Variants in HDLBP observed in about 807,000 individuals in gnomAD.
HDLBP encodes the protein vigilin.
In HDLBP, 30 loss-of-function variants were observed where a neutral mutation model predicts 137.3. The observed-to-expected ratio is 0.22, with a 90% CI of 0.16 to 0.30. The LOEUF (loss-of-function observed/expected upper bound fraction) is 0.30, where lower values mean the gene tolerates loss of function less well. Ranked by LOEUF, HDLBP falls within the 10% of genes least tolerant of loss-of-function variation. The pLI is 1.00. For missense variants in HDLBP, 1,119 were observed against 1,667.3 expected (o/e 0.67, Z 5.73); for synonymous variants, 606 against 596.0 (o/e 1.02, Z -0.24).
At chr2:241,256,547 G>T in intron 6 of HDLBP, 53 bp downstream of exon 6, 1 of 1,578,600 alleles carries the variant, frequency 6.3e-7, no homozygotes, top group Non-Finnish European at 8.7e-7. Context: ...ATGAGGGAGT[G>T]AGGTCTGCAC....
intron 1 of HDLBP, among the ~76,000 whole-genome samples, chr2:241,314,401 G>A (rs1416732451): frequency 6.6e-6 from 1 of 152,102 alleles, no homozygotes; most frequent in Non-Finnish European, 1.5e-5. Context: ...ATCTTAATAG[G>A]GTTTTAAGGA....
At position 241,247,084 on chromosome 2, in the gene HDLBP, A is replaced by G. The variant is rs181729976; in HGVS notation, c.1790T>C (p.Ile597Thr). The change falls in exon 15 of 28, where the codon ATT becomes ACT. Residue 597 changes from isoleucine (I) to threonine (T), a missense_variant. Physicochemically the swap from Ile to Thr is moderately conservative, Grantham distance 89. Around this residue, in one of 4 missense-constraint regions of HDLBP, gnomAD observed 425 missense variants for 693.9 expected, o/e 0.61. Transcript: ENST00000310931. ...PIFKQFHKNI[I>T]GKGGANIKKI... ...TTTAATGTTTGCGCCTCCTTTCCCA[A>G]TGATATTCTTGTGAAACTGTTTGAA... 1.2e-6 allele frequency: 2 copies of G among 1,613,450 alleles called. No individual in the cohort carries two copies. Among genetic ancestry groups the G allele is most frequent in the Admixed American group, 1.7e-5 (1 of 60,022 alleles).
chr2:241,251,648 A>T (rs4675975), intron 11 of HDLBP, among the ~76,000 whole-genome samples: 28 of 152,078 alleles, frequency 1.8e-4, no homozygotes, highest in Non-Finnish European at 3.4e-4. Context: ...CGAGTGTGTG[A>T]GTATAGCCAT....
At chr2:241,277,257 A>G (rs1174526518) in intron 1 of HDLBP, among the ~76,000 whole-genome samples, 1 of 152,146 alleles carries the variant, frequency 6.6e-6, no homozygotes, top group African/African-American at 2.4e-5. Flanking sequence ...GGAAAAAAAT[A>G]AAATAAGCTA....
chr2:241,232,275 CTTTT>C (rs146304027), intron 24 of HDLBP, among the ~76,000 whole-genome samples: 1 of 143,456 alleles, frequency 7.0e-6, no homozygotes, highest in African/African-American at 2.6e-5. Flanking sequence ...TAAACAATGA[CTTTT>C]TTTTTTTTTT....
chr2:241,278,408 C>T (rs1281435966), intron 1 of HDLBP, among the ~76,000 whole-genome samples: 1 of 152,122 alleles, frequency 6.6e-6, no homozygotes, highest in Non-Finnish European at 1.5e-5. Context: ...TATGGCGAAA[C>T]TCCGTCTCTA....
rs1031448185 is a variant in HDLBP, at chr2:241,230,668, A to AG, written c.3474+90dup. 20 of 1,113,056 alleles carry AG rather than the reference A, an allele frequency of 1.8e-5. No individual in the cohort carries two copies. The African/African-American group carries it at 1.8e-4, about 10-fold the overall frequency. 68.9% of individuals were successfully genotyped at this position (1,113,056 alleles called of 1,614,324 possible). On this transcript the variant is annotated intron_variant, in intron 25 of 27. Transcript: ENST00000310931. This position sits in a 1 kb window ranked among gnomAD's most constrained non-coding sequence, Gnocchi z 5.0. ...CTGGGGTTGTGGCCTCATCATCTTG[A>AG]GGGGAAGGCCATGCCCTGCTCTTTC...
At chr2:241,249,009 A>G (rs2071900571) in intron 12 of HDLBP, among the ~76,000 whole-genome samples, 1 of 152,142 alleles carries the variant, frequency 6.6e-6, no homozygotes, top group South Asian at 2.1e-4. Flanking sequence ...GCAATCAGGA[A>G]GGGCATAAAG....
intron 12 of HDLBP, among the ~76,000 whole-genome samples, chr2:241,248,625 T>G (rs961738921): frequency 6.6e-6 from 1 of 152,172 alleles, no homozygotes; most frequent in East Asian, 1.9e-4. Context: ...TGTAGGACCC[T>G]TCAACCAAAA....
chr2:241,248,412 C>A (rs2071849802), intron 12 of HDLBP, 64 bp from the exon 13 acceptor site: 2 of 1,287,630 alleles, frequency 1.6e-6, no homozygotes, highest in Non-Finnish European at 2.3e-6. Context: ...CCCACTGACA[C>A]AAGGGGACAC....
intron 1 of HDLBP, among the ~76,000 whole-genome samples, chr2:241,283,733 C>G (rs535117237): frequency 1.3e-5 from 2 of 152,124 alleles, no homozygotes; most frequent in Non-Finnish European, 2.9e-5. Flanking sequence ...CTCAGCCTCC[C>G]GAAGTGCTGG....
Position 241,305,663 on chromosome 2 carries a change from C to A in HDLBP, c.-103+9907G>T, listed in dbSNP as rs1032832431. 5.3e-5 allele frequency among the ~76,000 whole-genome samples: 8 copies of A among 152,126 alleles called. No individual in the cohort carries two copies. The East Asian group carries it at 7.7e-4, about 15-fold the overall frequency. ...GGTCTCTGGACACTGCCAGATGTGC[C>A]CTGGGTAACAAAAATCACCCTGGTG... On this transcript the variant is annotated intron_variant, in intron 1 of 27. Transcript: ENST00000310931.
chr2:241,274,792 A>T (rs2074330378), intron 1 of HDLBP, among the ~76,000 whole-genome samples: 1 of 152,210 alleles, frequency 6.6e-6, no homozygotes, highest in Non-Finnish European at 1.5e-5. Flanking sequence ...CGTAGAAGCA[A>T]ATTTTAGAAA....
chr2:241,267,366 A>C (rs537473115), intron 2 of HDLBP, among the ~76,000 whole-genome samples: 14 of 152,238 alleles, frequency 9.2e-5, no homozygotes, highest in African/African-American at 3.4e-4. Flanking sequence ...AGTTGCCTGT[A>C]ATGGAGGAGC....
chr2:241,271,886 C>A (rs546745375), intron 1 of HDLBP: 1 of 152,396 alleles, frequency 6.6e-6, no homozygotes, highest in East Asian at 1.9e-4. Context: ...GACTGGCGAG[C>A]AGAAGGCAGG....
intron 1 of HDLBP, among the ~76,000 whole-genome samples, chr2:241,287,148 C>T (rs573258048): frequency 1.3e-5 from 2 of 152,270 alleles, no homozygotes; most frequent in South Asian, 4.1e-4. Context: ...TCTCACTCTA[C>T]TGCCCAGGCT....
chr2:241,235,018 G>A, intron 23 of HDLBP, 103 bp downstream of exon 23: 3 of 1,408,988 alleles, frequency 2.1e-6, no homozygotes, highest in Non-Finnish European at 2.9e-6. Context: ...CCAGCCAGAT[G>A]TCGCTGGGAT....
In HDLBP at chr2:241,285,290, A is replaced by T. The variant is rs373507287; in HGVS notation, c.-102-16749T>A. 2.0e-5 allele frequency among the ~76,000 whole-genome samples: 3 copies of T among 152,254 alleles called. No homozygotes were observed. The South Asian group carries it at 6.2e-4, about 31-fold the overall frequency. On this transcript the variant is annotated intron_variant, in intron 1 of 27. Transcript: ENST00000310931. ...ATGTGATGTGCTTTATTGGGATGTC[A>T]GGCTTTCTTGTGGTGGTATCACAAA...
chr2:241,299,981 C>A (rs1255022457), intron 1 of HDLBP, among the ~76,000 whole-genome samples: 1 of 152,220 alleles, frequency 6.6e-6, no homozygotes, highest in African/African-American at 2.4e-5. Flanking sequence ...AATGAATGCA[C>A]ATTGCACCCA....
Sources: allele counts gnomAD v4.1 joint callset (sites outside exome capture counted in the v4.1 genomes callset), GRCh38; gene constraint gnomAD v4.1.1; regional missense constraint gnomAD v4.1.1; non-coding constraint Gnocchi (gnomAD v3.1); transcripts MANE v1.5; gene names NCBI Gene and HGNC (gene_info 2026-07-23, HGNC 2026-07-21).